Variants in PDK4 observed in about 807,000 individuals in gnomAD.
PDK4 encodes the protein pyruvate dehydrogenase kinase, isozyme 4.
A neutral mutation model predicts 51.7 loss-of-function variants in PDK4; 43 were observed. That is an observed-to-expected ratio of 0.83 (90% CI 0.65 to 1.07). The LOEUF is 1.07. Among genes scored for constraint, PDK4 ranks in the 50% least tolerant of loss-of-function variants. The pLI, the probability that PDK4 is intolerant of heterozygous loss-of-function variation, is 0.00. For missense variants in PDK4, 498 were observed against 503.5 expected (o/e 0.99, Z 0.10); for synonymous variants, 170 against 176.6 (o/e 0.96, Z 0.30).
In PDK4 at chr7:95,596,161, C is replaced by T; in HGVS notation, c.130+3G>A. ...CCAGCTTGGGCCCTGTGTCCCCTCT[C>T]ACCAAAGTCCAGTAGCTGCTTCATG... On this transcript the variant is annotated splice_donor_region_variant and intron_variant, in intron 1 of 10. Transcript: ENST00000005178. 1.2e-6 allele frequency: 2 copies of T among 1,601,160 alleles called. No individual in the cohort carries two copies. The highest frequency in any genetic ancestry group is 1.7e-6 in the Non-Finnish European group (2 of 1,174,226).
At position 95,584,304 on chromosome 7, in the gene PDK4, C is replaced by G. The variant is rs1047283318; in HGVS notation, c.*1337G>C. The stretch of plus-strand genomic sequence containing the variant: ...GTGGGGAAAATAGAAAAATGCCTGC[C>G]TTCTGCTTCCCTCTCTTCCTATATC... On this transcript the variant is annotated 3_prime_UTR_variant, in exon 11 of 11. Coordinates refer to ENST00000005178, the MANE Select transcript of PDK4 (RefSeq NM_002612.4). 2.0e-5 allele frequency: 3 copies of G among 146,460 alleles called. No individual in the cohort carries two copies. In the South Asian group the frequency reaches 6.2e-4, roughly 30 times the overall value. 9.1% of individuals were successfully genotyped at this position (146,460 alleles called of 1,614,324 possible).
chr7:95,586,194 G>GTT (rs11377701), intron 10 of PDK4, among the ~76,000 whole-genome samples: 9,259 of 120,554 alleles, frequency 0.077, 668 homozygotes, highest in South Asian at 0.18. Flanking sequence ...ATGCACCAAG[G>GTT]TTTTTTTTTT....
At chr7:95,589,755 A>T in intron 6 of PDK4, 39 bp from the exon 7 acceptor site, 1 of 1,082,634 alleles carries the variant, frequency 9.2e-7, no homozygotes, top group Non-Finnish European at 1.4e-6. Context: ...GTAAACAAAT[A>T]CTTCACTAAA....
chr7:95,586,702 A>T (rs1240522001), intron 10 of PDK4: 1 of 227,742 alleles, frequency 4.4e-6, no homozygotes, highest in East Asian at 1.0e-4. Flanking sequence ...ACTCTCATAG[A>T]TGCCAAAAGG....
Position 95,595,005 on chromosome 7 carries a change from A to C in PDK4, c.272+18T>G, listed in dbSNP as rs1159234929. The C allele has an allele frequency of 6.3e-7, 1 of 1,587,884 alleles. No individual in the cohort carries two copies. Among genetic ancestry groups the C allele is most frequent in the Non-Finnish European group, 8.6e-7 (1 of 1,162,078 alleles). ...AACTGTTTCAAAACTAGAGACTTCA[A>C]TATGGTTCACCACTTACCAGCTTTT... On this transcript the variant is annotated intron_variant, in intron 2 of 10. Transcript: ENST00000005178.
At chr7:95,592,684 G>A (rs1176891820) in intron 4 of PDK4, 76 bp downstream of exon 4, 7 of 1,364,280 alleles carry the variant, frequency 5.1e-6, no homozygotes, top group Non-Finnish European at 7.3e-6. Flanking sequence ...CCGCTGATTA[G>A]TGAGACATCT....
At chr7:95,593,633 A>G (rs993800070) in intron 3 of PDK4, 66 bp downstream of exon 3, 10 of 789,772 alleles carry the variant, frequency 1.3e-5, no homozygotes, top group Admixed American at 1.1e-4. Context: ...AGGTCTAAAA[A>G]TATCTTAGGA....
rs772938534 is a variant in PDK4 at position 95,593,764 on chromosome 7, T to C, written c.279A>G (p.Ile93Met). 6.7e-7 allele frequency: 1 copy of C among 1,498,082 alleles called. No homozygotes were observed. The highest frequency in any genetic ancestry group is 9.3e-7 in the Non-Finnish European group (1 of 1,079,514). 92.8% of individuals were successfully genotyped at this position (1,498,082 alleles called of 1,614,324 possible). Residue 93 changes from isoleucine to methionine, a missense_variant, in exon 3 of 11, where the codon ATA becomes ATG. Physicochemically the swap from Ile to Met is conservative, Grantham distance 10. Transcript: ENST00000005178. Reference protein sequence around the residue: ...SSVQLVKSWYIQSLMDLVEFH... With the variant: ...SSVQLVKSWYMQSLMDLVEFH... ...ATTCCACCAAATCCATCAGGCTCTGTATATACCTGTAAAGAAACAGGTATG... is the reference window on the plus strand; with the variant it reads ...ATTCCACCAAATCCATCAGGCTCTGCATATACCTGTAAAGAAACAGGTATG...
At position 95,592,576 on chromosome 7, in the gene PDK4, T is replaced by G; in HGVS notation, c.551A>C (p.Gln184Pro). 1 of 1,607,596 alleles carries G rather than the reference T, an allele frequency of 6.2e-7. No individual in the cohort carries two copies. The highest frequency in any genetic ancestry group is 8.5e-7 in the Non-Finnish European group (1 of 1,174,180). ...NQHILIFSDS[Q>P]TGNPSHIGSI... ...TCCAATGTGGCTTGGGTTTCCTGTC[T>G]GTGAGTCACTAAATATAAGAACTGT... The change falls in exon 5 of 11, where the codon CAG becomes CCG. Residue 184 changes from glutamine (Q) to proline (P), a missense_variant. Gln to Pro is a moderately conservative substitution (Grantham distance 76). Transcript: ENST00000005178.
rs1791442750 is a variant in PDK4 at position 95,583,667 on chromosome 7, A to C, written c.*1974T>G. The C allele has an allele frequency of 2.0e-5, 3 of 152,634 alleles. No homozygotes were observed. Among genetic ancestry groups the C allele is most frequent in the African/African-American group, 7.2e-5 (3 of 41,466 alleles). The allele number at this position is 152,634 out of a possible 1,614,324, so 9.5% of individuals were successfully genotyped here. ...CCCCAGATTTCACAAAGGCCAATGT[A>C]GATTATTTCTATTTTATCAAAGTTC... On this transcript the variant is annotated 3_prime_UTR_variant, in exon 11 of 11. Coordinates refer to ENST00000005178, the MANE Select transcript of PDK4 (RefSeq NM_002612.4).
chr7:95,595,015 C>T lies in PDK4; in HGVS notation c.272+8G>A. The T allele has an allele frequency of 1.2e-6, 2 of 1,602,856 alleles. No homozygotes were observed. Among genetic ancestry groups the T allele is most frequent in the Non-Finnish European group, 1.7e-6 (2 of 1,172,216 alleles). ...AAACTAGAGACTTCAATATGGTTCA[C>T]CACTTACCAGCTTTTAACCAATTGC... On this transcript the variant is annotated splice_region_variant and intron_variant, in intron 2 of 10. Transcript: ENST00000005178.
Position 95,587,806 on chromosome 7 carries a change from A to G in PDK4, c.791T>C (p.Val264Ala). 6.2e-7 allele frequency: 1 copy of G among 1,612,704 alleles called. No individual in the cohort carries two copies. Among genetic ancestry groups the G allele is most frequent in the South Asian group, 1.1e-5 (1 of 91,052 alleles). Reference sequence around the variant, plus strand: ...GGAAGGCTGATTTTCCTGGTGTTCAACTGTTGCCCGCATTGCATTCTAAAA... The same window carrying G: ...GGAAGGCTGATTTTCCTGGTGTTCAGCTGTTGCCCGCATTGCATTCTAAAA... ...ELFKNAMRAT[V>A]EHQENQPSLT... Residue 264 changes from valine to alanine, a missense_variant, in exon 8 of 11, where the codon GTT (valine) becomes GCT (alanine). Transcript: ENST00000005178.
At position 95,592,367 on chromosome 7, in the gene PDK4, G is replaced by A. The variant is rs1791561897; in HGVS notation, c.616+144C>T. On this transcript the variant is annotated intron_variant, in intron 5 of 10. Coordinates refer to ENST00000005178, the MANE Select transcript of PDK4 (RefSeq NM_002612.4). ...ATGTTTATACTACTGACTCTCAAAA[G>A]CAAAGGACCTTGAAGATAACATTTA... 6.3e-6 allele frequency: 4 copies of A among 635,412 alleles called. No homozygotes were observed. The East Asian group carries it at 1.0e-4, about 16-fold the overall frequency. The allele number at this position is 635,412 out of a possible 1,614,324, so 39.4% of individuals were successfully genotyped here.
At chr7:95,586,320 A>G (rs2073981) in intron 10 of PDK4, among the ~76,000 whole-genome samples, 64,744 of 150,078 alleles carry the variant, frequency 0.43, 14,700 homozygotes, top group East Asian at 0.83. Flanking sequence ...TCAGCCTCCC[A>G]AGTAGCTGGG....
rs768653438 is a variant in PDK4 at position 95,592,724 on chromosome 7, A to G, written c.529+36T>C. The stretch of plus-strand genomic sequence containing the variant: ...ATAGTATGGCTTATATTCTACACCC[A>G]TGTCTATATACCATGATCATGATGA... On this transcript the variant is annotated intron_variant, in intron 4 of 10. Transcript: ENST00000005178. 8 of 1,537,414 alleles carry G rather than the reference A, an allele frequency of 5.2e-6. No homozygotes were observed. In the African/African-American group the frequency reaches 9.5e-5, roughly 18 times the overall value.
rs778644301 is a variant in PDK4, at chr7:95,592,812, C to A, written c.477G>T (p.Leu159Phe). 6.2e-7 allele frequency: 1 copy of A among 1,613,150 alleles called. No homozygotes were observed. The highest frequency in any genetic ancestry group is 1.7e-5 in the Admixed American group (1 of 59,982). The change falls in exon 4 of 11, where the codon TTG becomes TTT. Residue 159 changes from leucine to phenylalanine, a missense_variant. By Grantham distance (22) the Leu-to-Phe change is conservative. Transcript: ENST00000005178. The stretch of plus-strand genomic sequence containing the variant: ...AAATACGGTTCATGTAAAATCGATC[C>A]AAGAAATATTGAAGATTTTGATTGG... ...PVTNQNLQYFLDRFYMNRIST... is the reference protein window; with the variant it reads ...PVTNQNLQYFFDRFYMNRIST...
chr7:95,590,265 A>G (rs1486625934), intron 6 of PDK4, among the ~76,000 whole-genome samples: 1 of 152,178 alleles, frequency 6.6e-6, no homozygotes, highest in Non-Finnish European at 1.5e-5. Flanking sequence ...AATGCTAACT[A>G]TAATTTTCAT....
intron 3 of PDK4, 151 bp from the exon 4 acceptor site, chr7:95,593,095 A>G: frequency 2.0e-6 from 1 of 491,784 alleles, no homozygotes; most frequent in Non-Finnish European, 3.6e-6. Flanking sequence ...TAGTAATCTC[A>G]CTACAGATTC....
intron 5 of PDK4, 31 bp downstream of exon 5, chr7:95,592,480 A>C: frequency 8.2e-7 from 1 of 1,222,354 alleles, no homozygotes; most frequent in Non-Finnish European, 1.2e-6. Context: ...GTACATTTTC[A>C]ATAAGGGAAG....
Sources: allele counts gnomAD v4.1 joint callset (sites outside exome capture counted in the v4.1 genomes callset), GRCh38; gene constraint gnomAD v4.1.1; transcripts MANE v1.5; gene names NCBI Gene and HGNC (gene_info 2026-07-23, HGNC 2026-07-21).